RAPGEF4: variants seen among roughly 807,000 people sequenced by gnomAD.
RAPGEF4 encodes the protein RAP guanine-nucleotide-exchange factor (GEF) 4.
RAPGEF4 carries 66 observed loss-of-function variants against 147.9 expected under a neutral mutation model. The observed-to-expected ratio is 0.45, with a 90% CI of 0.37 to 0.55. The LOEUF (loss-of-function observed/expected upper bound fraction) is 0.55, where lower values mean the gene tolerates loss of function less well. Among genes scored for constraint, RAPGEF4 ranks in the 20% least tolerant of loss-of-function variants. The pLI is 0.00. For synonymous variants in RAPGEF4, 419 were observed against 442.7 expected (o/e 0.95, Z 0.67); for missense variants, 1,071 against 1,257.3 (o/e 0.85, Z 2.24).
At chr2:173,004,194 G>A (rs2105821484) in intron 17 of RAPGEF4, among the ~76,000 whole-genome samples, 1 of 152,112 alleles carries the variant, frequency 6.6e-6, no homozygotes, top group East Asian at 1.9e-4. Context: ...GAGAAAGATA[G>A]TAGAACTCTG....
At position 173,042,172 on chromosome 2, in the gene RAPGEF4, C is replaced by T. The variant is rs1022293291; in HGVS notation, c.2853+5480C>T. Among the ~76,000 whole-genome samples the T allele has an allele frequency of 2.0e-4, 31 of 152,230 alleles. No homozygotes were observed. The highest frequency in any genetic ancestry group is 7.0e-4 in the African/African-American group (29 of 41,454). ...TATTTCTCCAGCACCATAAAAATAT[C>T]TGACGCATTATTTCCCCAGCACCCA... On this transcript the variant is annotated intron_variant, in intron 29 of 30. Transcript: ENST00000397081. This position sits in a 1 kb window ranked among gnomAD's most constrained non-coding sequence, Gnocchi z 4.2.
At chr2:172,830,047 T>C (rs1316948706) in intron 4 of RAPGEF4, among the ~76,000 whole-genome samples, 1 of 152,108 alleles carries the variant, frequency 6.6e-6, no homozygotes, top group East Asian at 1.9e-4. Context: ...TTCATTCTAA[T>C]TGGATAGGGG....
chr2:172,926,324 C>T (rs1392142486), intron 6 of RAPGEF4, among the ~76,000 whole-genome samples: 1 of 152,074 alleles, frequency 6.6e-6, no homozygotes, highest in East Asian at 1.9e-4. Flanking sequence ...GGAATAATGA[C>T]CCTGTCTTTA....
chr2:172,873,670 A>G (rs1575101053), intron 4 of RAPGEF4, among the ~76,000 whole-genome samples: 2 of 152,322 alleles, frequency 1.3e-5, no homozygotes, highest in East Asian at 3.9e-4. Flanking sequence ...ACCAAAAGCA[A>G]TGGCAACAAA....
intron 4 of RAPGEF4, among the ~76,000 whole-genome samples, chr2:172,833,024 C>T (rs781448816): frequency 3.3e-5 from 5 of 152,080 alleles, no homozygotes; most frequent in Non-Finnish European, 7.4e-5. Context: ...GCCAACATGG[C>T]GAAACGCTGT....
intron 4 of RAPGEF4, among the ~76,000 whole-genome samples, chr2:172,916,362 A>G (rs994754958): frequency 5.9e-5 from 9 of 152,226 alleles, no homozygotes; most frequent in Non-Finnish European, 1.0e-4. Flanking sequence ...ATCAGGAGTC[A>G]CAAAACCTTA....
chr2:172,925,555 C>A (rs1169408638), intron 6 of RAPGEF4, among the ~76,000 whole-genome samples: 2 of 148,338 alleles, frequency 1.3e-5, no homozygotes, highest in Non-Finnish European at 3.0e-5. Context: ...AAAACAACCA[C>A]GCAGCCAGGA....
intron 27 of RAPGEF4, among the ~76,000 whole-genome samples, 200 bp downstream of exon 27, chr2:173,034,164 T>C (rs774396856): frequency 1.3e-5 from 2 of 152,252 alleles, no homozygotes; most frequent in Non-Finnish European, 2.9e-5. Flanking sequence ...AGAGGACTTA[T>C]GTCCCACATA....
At chr2:172,856,380 A>G (rs1693415764) in intron 4 of RAPGEF4, among the ~76,000 whole-genome samples, 1 of 152,146 alleles carries the variant, frequency 6.6e-6, no homozygotes. Flanking sequence ...GCTGCTTTAA[A>G]GTCTTTGTTA....
At chr2:172,804,605 T>G (rs1301176361) in intron 3 of RAPGEF4, among the ~76,000 whole-genome samples, 3 of 152,186 alleles carry the variant, frequency 2.0e-5, no homozygotes, top group Admixed American at 6.5e-5. Context: ...ATTCTGCCTC[T>G]GCTCTCCTGT....
At chr2:172,890,743 G>A (rs917615972) in intron 4 of RAPGEF4, among the ~76,000 whole-genome samples, 3 of 152,234 alleles carry the variant, frequency 2.0e-5, no homozygotes, top group African/African-American at 7.2e-5. Flanking sequence ...AGACTGTGAA[G>A]GAAAGATCTT....
intron 6 of RAPGEF4, among the ~76,000 whole-genome samples, chr2:172,958,599 CCT>C (rs1274310369): frequency 6.6e-6 from 1 of 152,176 alleles, no homozygotes; most frequent in Non-Finnish European, 1.5e-5. Context: ...AAAATCAGTC[CCT>C]GTTTAAAGCA....
intron 4 of RAPGEF4, among the ~76,000 whole-genome samples, chr2:172,897,508 C>A (rs1226464685): frequency 6.6e-6 from 1 of 152,114 alleles, no homozygotes; most frequent in Non-Finnish European, 1.5e-5. Context: ...AAGCAATCAT[C>A]CTGCCTCATC....
intron 2 of RAPGEF4, among the ~76,000 whole-genome samples, chr2:172,795,495 A>G (rs1686272594): frequency 6.6e-6 from 1 of 152,210 alleles, no homozygotes; most frequent in Non-Finnish European, 1.5e-5. Context: ...TGTGGCCAAT[A>G]GGATATTAAG....
intron 4 of RAPGEF4, among the ~76,000 whole-genome samples, chr2:172,907,461 T>G (rs1699740733): frequency 6.6e-6 from 1 of 152,184 alleles, no homozygotes; most frequent in African/African-American, 2.4e-5. Flanking sequence ...GCAGAAAGGC[T>G]TTGCTTGTGT....
At chr2:172,937,136 A>C (rs1686675140) in intron 6 of RAPGEF4, among the ~76,000 whole-genome samples, 1 of 150,648 alleles carries the variant, frequency 6.6e-6, no homozygotes. Flanking sequence ...TAGGAGGATC[A>C]CTCGAGCCCA....
intron 6 of RAPGEF4, among the ~76,000 whole-genome samples, chr2:172,953,041 G>A (rs767484690): frequency 3.1e-4 from 47 of 152,066 alleles, no homozygotes; most frequent in Non-Finnish European, 4.9e-4. Flanking sequence ...CGCTTCCTTC[G>A]TCCGGTTTTA....
chr2:172,767,299 T>C (rs1965694), intron 1 of RAPGEF4, among the ~76,000 whole-genome samples: 146,172 of 152,000 alleles, frequency 0.96, 70,564 homozygotes, highest in East Asian at 1. Context: ...CTGCCTCAGC[T>C]TCCCGAGTAG....
chr2:172,997,014 G>A (rs1189174105), intron 16 of RAPGEF4, among the ~76,000 whole-genome samples: 2 of 152,118 alleles, frequency 1.3e-5, no homozygotes, highest in African/African-American at 4.8e-5. Flanking sequence ...CGTTTGCTAG[G>A]GCTGCCCTAA....
Sources: gnomAD v4.1 joint callset for allele counts (sites outside exome capture counted in the v4.1 genomes callset) on GRCh38, gnomAD v4.1.1 for gene constraint, Gnocchi (gnomAD v3.1) non-coding constraint, MANE v1.5 for transcripts, NCBI Gene and HGNC (gene_info 2026-07-23, HGNC 2026-07-21) for gene names.